The following SPEF2 variants were observed in gnomAD, a reference collection of about 807,000 sequenced individuals.
SPEF2 encodes sperm flagella and cilia-associated protein 2.
In SPEF2, 187 loss-of-function variants were observed where a neutral mutation model predicts 224.6. The ratio of observed to expected loss-of-function variants is 0.83; its 90% CI spans 0.74 to 0.94. SPEF2 has a LOEUF of 0.94. Among genes scored for constraint, SPEF2 ranks in the 40% least tolerant of loss-of-function variants. The probability of loss-of-function intolerance (pLI) is 0.00; values close to 1 mark genes in which losing one functional copy is unlikely to be tolerated. For synonymous variants in SPEF2, 715 were observed against 707.3 expected (o/e 1.01, Z -0.17); for missense variants, 2,170 against 2,135.6 (o/e 1.02, Z -0.32).
At chr5:35,652,039 A>AT (rs1748265567) in intron 6 of SPEF2, among the ~76,000 whole-genome samples, 1 of 152,232 alleles carries the variant, frequency 6.6e-6, no homozygotes, top group Non-Finnish European at 1.5e-5. Context: ...ACTTCTTAAG[A>AT]AACACAAATT....
At chr5:35,790,216 C>G (rs1425785498) in intron 30 of SPEF2, 2 of 690,052 alleles carry the variant, frequency 2.9e-6, no homozygotes, top group African/African-American at 3.5e-5. Flanking sequence ...GAAAGTATGA[C>G]GGATGTCCTA....
chr5:35,702,876 G>A (rs987955272), intron 16 of SPEF2, among the ~76,000 whole-genome samples: 2 of 152,012 alleles, frequency 1.3e-5, no homozygotes, highest in Non-Finnish European at 2.9e-5. Flanking sequence ...TTACCTATAA[G>A]TACTACAGAG....
chr5:35,764,021 A>G (rs1011756160), intron 26 of SPEF2, among the ~76,000 whole-genome samples: 4 of 152,204 alleles, frequency 2.6e-5, no homozygotes, highest in Non-Finnish European at 5.9e-5. Flanking sequence ...GGGGCCAAGC[A>G]GAAGTCACAT....
chr5:35,800,203 T>C, intron 34 of SPEF2, 56 bp downstream of exon 34: 1 of 1,562,404 alleles, frequency 6.4e-7, no homozygotes, highest in Non-Finnish European at 8.7e-7. Context: ...TGCCTGAAGA[T>C]CCTAAACTGA....
At chr5:35,660,250 C>T (rs778725334) in intron 8 of SPEF2, among the ~76,000 whole-genome samples, 5 of 151,964 alleles carry the variant, frequency 3.3e-5, no homozygotes, top group South Asian at 2.1e-4. Flanking sequence ...TTATTTAATC[C>T]GTTTGTCCAC....
At chr5:35,644,155 A>G (rs1747012915) in intron 3 of SPEF2, among the ~76,000 whole-genome samples, 200 bp from the exon 4 acceptor site, 1 of 152,206 alleles carries the variant, frequency 6.6e-6, no homozygotes, top group South Asian at 2.1e-4. Flanking sequence ...TGTAAGAAGA[A>G]CCACAAAGGA....
intron 5 of SPEF2, among the ~76,000 whole-genome samples, 173 bp from the exon 6 acceptor site, chr5:35,649,188 G>A (rs1241025846): frequency 6.6e-6 from 1 of 151,968 alleles, no homozygotes; most frequent in Non-Finnish European, 1.5e-5. Flanking sequence ...AGTTAGCCCA[G>A]TCTAAAAGCA....
chr5:35,640,401 G>A (rs140816687), intron 2 of SPEF2, among the ~76,000 whole-genome samples: 1 of 152,290 alleles, frequency 6.6e-6, no homozygotes, highest in East Asian at 1.9e-4. Context: ...CAAAAGGGGT[G>A]ATAGATGCCT....
chr5:35,642,849 G>T (rs1315824789), intron 3 of SPEF2, among the ~76,000 whole-genome samples: 1 of 152,142 alleles, frequency 6.6e-6, no homozygotes, highest in Non-Finnish European at 1.5e-5. Context: ...GGATATCATT[G>T]TAAGTCTGGT....
In SPEF2 at chr5:35,692,703, A is replaced by G; in HGVS notation, c.1878A>G (p.Gln626=). 1 of 1,613,114 alleles carries G rather than the reference A, an allele frequency of 6.2e-7. No homozygotes were observed. Among genetic ancestry groups the G allele is most frequent in the Non-Finnish European group, 8.5e-7 (1 of 1,179,762 alleles). The change falls in exon 12 of 37, where the codon CAA becomes CAG. Residue 626 remains glutamine, a synonymous_variant. Coordinates refer to ENST00000356031, the MANE Select transcript of SPEF2 (RefSeq NM_024867.4). ...AAGAAGATGCTCTACCAGTTCTGCAAGAGGAGATTAAAGAAAGCCAGGCAA... is the reference window on the plus strand; with the variant it reads ...AAGAAGATGCTCTACCAGTTCTGCAGGAGGAGATTAAAGAAAGCCAGGCAA... ...NDEEDALPVL[Q]EEIKESQDPQ...
intron 29 of SPEF2, 143 bp downstream of exon 29, chr5:35,776,538 T>A (rs1398310448): frequency 1.6e-5 from 12 of 755,964 alleles, no homozygotes; most frequent in Non-Finnish European, 2.5e-5. Context: ...TATAAACAGA[T>A]AATATGAGCT....
intron 20 of SPEF2, among the ~76,000 whole-genome samples, chr5:35,722,833 G>A (rs1409342849): frequency 4.6e-5 from 7 of 151,666 alleles, no homozygotes; most frequent in Non-Finnish European, 8.8e-5. Context: ...TTTTATGGCT[G>A]CATAGTATTC....
At chr5:35,783,911 T>A (rs1754705838) in intron 30 of SPEF2, among the ~76,000 whole-genome samples, 1 of 152,188 alleles carries the variant, frequency 6.6e-6, no homozygotes. Flanking sequence ...CTCTTTTTCC[T>A]TGTAAGCCCA....
chr5:35,772,547 G>T (rs1014611002), intron 27 of SPEF2, among the ~76,000 whole-genome samples: 2 of 152,134 alleles, frequency 1.3e-5, no homozygotes, highest in Admixed American at 6.5e-5. Flanking sequence ...TCCATCTGAG[G>T]GCGTAGAAGA....
At chr5:35,767,032 A>G (rs139988531) in intron 26 of SPEF2, among the ~76,000 whole-genome samples, 149 of 151,842 alleles carry the variant, frequency 9.8e-4, no homozygotes, top group Non-Finnish European at 1.6e-3. Flanking sequence ...ATTGCACTTC[A>G]TTGTTTATAT....
chr5:35,812,122 C>T (rs1420879501), intron 36 of SPEF2, among the ~76,000 whole-genome samples: 3 of 152,114 alleles, frequency 2.0e-5, no homozygotes, highest in Non-Finnish European at 2.9e-5. Flanking sequence ...ACCACAATTA[C>T]TTTTGCACCA....
chr5:35,641,508 A>G lies in SPEF2; in HGVS notation c.239A>G (p.Asn80Ser). The change falls in exon 3 of 37, where the codon AAT (asparagine) becomes AGT (serine). Residue 80 changes from asparagine (N) to serine (S), a missense_variant. By Grantham distance (46) the Asn-to-Ser change is conservative. Coordinates refer to ENST00000356031, the MANE Select transcript of SPEF2 (RefSeq NM_024867.4). The part of the protein sequence containing the change: ...LNLLGVQFDQ[N>S]VAHGIITEKP... Reference sequence around the variant, plus strand: ...CTTCTGGGTGTGCAGTTTGATCAGAATGTGGCCCATGGCATCATCACAGAA... The same window carrying G: ...CTTCTGGGTGTGCAGTTTGATCAGAGTGTGGCCCATGGCATCATCACAGAA... 1.9e-6 allele frequency: 3 copies of G among 1,613,852 alleles called. No homozygotes were observed. The highest frequency in any genetic ancestry group is 2.5e-6 in the Non-Finnish European group (3 of 1,179,850).
intron 20 of SPEF2, among the ~76,000 whole-genome samples, chr5:35,719,697 C>T (rs1023441640): frequency 2.6e-5 from 4 of 152,070 alleles, no homozygotes; most frequent in African/African-American, 7.2e-5. Context: ...TCTTGGCTCA[C>T]TGCAAGCTCC....
intron 24 of SPEF2, among the ~76,000 whole-genome samples, chr5:35,758,851 TA>T: frequency 6.6e-6 from 1 of 151,342 alleles, no homozygotes; most frequent in South Asian, 2.1e-4. Context: ...ACTAAATATA[TA>T]AATATTAGGA....
Sources: gnomAD v4.1 joint callset for allele counts (sites outside exome capture counted in the v4.1 genomes callset) on GRCh38, gnomAD v4.1.1 for gene constraint, MANE v1.5 for transcripts, NCBI Gene and HGNC (gene_info 2026-07-23, HGNC 2026-07-21) for gene names.